BRCA2: variants seen among roughly 807,000 people sequenced by gnomAD.
The protein encoded by BRCA2 is breast cancer type 2 susceptibility protein.
BRCA2 carries 203 observed loss-of-function variants against 276.7 expected under a neutral mutation model. The ratio of observed to expected loss-of-function variants is 0.73; its 90% CI spans 0.65 to 0.82. BRCA2 has a LOEUF of 0.82. Ranked by LOEUF, BRCA2 falls within the 40% of genes least tolerant of loss-of-function variation. BRCA2 has a pLI of 0.00. For missense variants in BRCA2, 3,920 were observed against 3,915.0 expected (o/e 1.00, Z -0.03); for synonymous variants, 1,289 against 1,338.4 (o/e 0.96, Z 0.81).
At chr13:32,385,549 C>CT (rs1236100648) in intron 24 of BRCA2, 13 of 255,180 alleles carry the variant, frequency 5.1e-5, no homozygotes, top group Non-Finnish European at 8.0e-5. Context: ...CCATATAGGG[C>CT]TTTGTGACAG....
chr13:32,391,101 A>G (rs1008890958), intron 24 of BRCA2, among the ~76,000 whole-genome samples: 2 of 152,216 alleles, frequency 1.3e-5, no homozygotes, highest in African/African-American at 4.8e-5. Context: ...AAACAGGGAC[A>G]TCTGTATTTT....
Position 32,340,998 on chromosome 13 carries a change from TACTC to T in BRCA2, c.6644_6647del (p.Tyr2215SerfsTer13), listed in dbSNP as rs80359616. The T allele has an allele frequency of 1.2e-6, 2 of 1,612,198 alleles. No homozygotes were observed. Among genetic ancestry groups the T allele is most frequent in the Non-Finnish European group, 1.7e-6 (2 of 1,179,546 alleles). On this transcript the variant is annotated frameshift_variant, in exon 11 of 27. Transcript: ENST00000380152. LOFTEE classifies it high-confidence loss of function. Reference sequence around the variant, plus strand: ...AACAAATATAGAAGTTTGTTCTACTTACTCCAAAGATTCAGAAAACTACTTTGAA... The same window carrying T: ...AACAAATATAGAAGTTTGTTCTACTTCAAAGATTCAGAAAACTACTTTGAA...
rs786203659 is a variant in BRCA2, at chr13:32,333,119, A to G, written c.1641A>G (p.Ser547=). Residue 547 remains serine, a synonymous_variant, in exon 10 of 27, where the codon TCA becomes TCG. Coordinates refer to ENST00000380152, the MANE Select transcript of BRCA2 (RefSeq NM_000059.4). The part of the protein sequence containing the change: ...ESGLEIHTVC[S]QKEDSLCPNL... ...GACTGGAAATACATACTGTTTGCTC[A>G]CAGAAGGAGGACTCCTTATGTCCAA... is the stretch of plus-strand genomic sequence containing the variant. 3.1e-6 allele frequency: 5 copies of G among 1,614,076 alleles called. No homozygotes were observed. The highest frequency in any genetic ancestry group is 4.2e-6 in the Non-Finnish European group (5 of 1,180,006).
chr13:32,392,901 C>T (rs1246986544), intron 24 of BRCA2, among the ~76,000 whole-genome samples: 2 of 152,032 alleles, frequency 1.3e-5, no homozygotes, highest in East Asian at 3.8e-4. Context: ...TACTTCCTGT[C>T]TTCTTTTTCA....
At chr13:32,349,675 G>C (rs1295807012) in intron 13 of BRCA2, among the ~76,000 whole-genome samples, 3 of 151,888 alleles carry the variant, frequency 2.0e-5, no homozygotes, top group African/African-American at 7.3e-5. Flanking sequence ...AATTAGCTCG[G>C]CATGGTAGCA....
chr13:32,338,932 C>T lies in BRCA2; in HGVS notation c.4577C>T (p.Thr1526Ile), dbSNP rs2137507891. 6.2e-7 allele frequency: 1 copy of T among 1,613,864 alleles called. No individual in the cohort carries two copies. The highest frequency in any genetic ancestry group is 1.7e-5 in the Admixed American group (1 of 59,998). ...IKEPTLLGFH[T>I]ASGKKVKIAK... ...GAACCTACTCTATTGGGTTTTCATACAGCTAGCGGGAAAAAAGTTAAAATT... is the reference window on the plus strand; with the variant it reads ...GAACCTACTCTATTGGGTTTTCATATAGCTAGCGGGAAAAAAGTTAAAATT... Residue 1526 changes from threonine (T) to isoleucine (I), a missense_variant, in exon 11 of 27, where the codon ACA becomes ATA. Transcript: ENST00000380152.
chr13:32,379,987 T>G lies in BRCA2; in HGVS notation c.9118-20T>G, dbSNP rs776528159. On this transcript the variant is annotated intron_variant, in intron 23 of 26. Coordinates refer to ENST00000380152, the MANE Select transcript of BRCA2 (RefSeq NM_000059.4). ...TTTATGGAATCTCCATATGTTGAAT[T>G]TTTGTTTTGTTTTCTGTAGGTTTCA... 4.3e-6 allele frequency: 7 copies of G among 1,613,874 alleles called. No homozygotes were observed. In the Admixed American group the frequency reaches 1.2e-4, roughly 27 times the overall value.
At chr13:32,330,847 A>G in intron 8 of BRCA2, 72 bp from the exon 9 acceptor site, 1 of 913,072 alleles carries the variant, frequency 1.1e-6, no homozygotes, top group Non-Finnish European at 1.7e-6. Flanking sequence ...GAAACCATGG[A>G]TAAGGGGGGA....
chr13:32,394,841 A>T lies in BRCA2; in HGVS notation c.9409A>T (p.Thr3137Ser), dbSNP rs746036918. 5 of 1,614,128 alleles carry T rather than the reference A, an allele frequency of 3.1e-6. No individual in the cohort carries two copies. In the South Asian group the frequency reaches 5.5e-5, roughly 18 times the overall value. Residue 3137 changes from threonine (T) to serine (S), a missense_variant, in exon 25 of 27, where the codon ACT becomes TCT. Thr to Ser is a moderately conservative substitution (Grantham distance 58). Around this residue, in one of 2 missense-constraint regions of BRCA2, gnomAD observed 657 missense variants for 758.2 expected, o/e 0.87. Transcript: ENST00000380152. ...ACCAGAATCCAAATCAGGCCTTCTTACTTTATTTGCTGGAGATTTTTCTGT... is the reference window on the plus strand; with the variant it reads ...ACCAGAATCCAAATCAGGCCTTCTTTCTTTATTTGCTGGAGATTTTTCTGT... ...WRPESKSGLL[T>S]LFAGDFSVFS...
In BRCA2 at chr13:32,357,930, G is replaced by A. The variant is rs81002809; in HGVS notation, c.7805+1G>A. 1.2e-6 allele frequency: 2 copies of A among 1,612,702 alleles called. No homozygotes were observed. The highest frequency in any genetic ancestry group is 1.7e-6 in the Non-Finnish European group (2 of 1,178,830). ...AGGCTGGAAAAGAAGAATTTTATAG[G>A]TACTCTATGCAAAAAGATTGTGTGT... On this transcript the variant is annotated splice_donor_variant, in intron 16 of 26. Transcript: ENST00000380152. LOFTEE classifies it high-confidence loss of function.
Position 32,370,491 on chromosome 13 carries a change from G to A in BRCA2, c.8421G>A (p.Ser2807=), listed in dbSNP as rs371278843. 1.7e-4 allele frequency: 281 copies of A among 1,613,446 alleles called. 4 individuals are homozygous for A. The South Asian group carries it at 2.9e-3, about 17-fold the overall frequency. The change falls in exon 19 of 27, where the codon TCG becomes TCA. Residue 2807 remains serine, a synonymous_variant. Transcript: ENST00000380152. ...DPRPFPLPLS[S]LFSDGGNVGC... ...GACCTTTTCCTCTGCCCTTATCATC[G>A]CTTTTCAGTGATGGAGGAAATGTTG...
rs767202483 is a variant in BRCA2, at chr13:32,340,848, T to C, written c.6493T>C (p.Leu2165=). ...TCAATTTCAACAAGACAAACAACAGTTGGTATTAGGAACCAAAGTGTCACT... is the reference window on the plus strand; with the variant it reads ...TCAATTTCAACAAGACAAACAACAGCTGGTATTAGGAACCAAAGTGTCACT... ...LSQFQQDKQQ[L]VLGTKVSLVE... is the part of the protein sequence containing the mutation. Residue 2165 remains leucine, a synonymous_variant, in exon 11 of 27, where the codon TTG becomes CTG. Transcript: ENST00000380152. 1 of 1,596,348 alleles carries C rather than the reference T, an allele frequency of 6.3e-7. No individual in the cohort carries two copies. Among genetic ancestry groups the C allele is most frequent in the African/African-American group, 1.4e-5 (1 of 73,674 alleles).
intron 16 of BRCA2, among the ~76,000 whole-genome samples, chr13:32,362,219 G>A (rs1019761375): frequency 6.6e-6 from 1 of 151,884 alleles, no homozygotes; most frequent in African/African-American, 2.4e-5. Flanking sequence ...TAGAGATGTG[G>A]GGGTCTCACT....
intron 4 of BRCA2, 84 bp from the exon 5 acceptor site, chr13:32,326,017 G>C (rs120074202): frequency 8.3e-7 from 1 of 1,207,214 alleles, no homozygotes; most frequent in East Asian, 2.4e-5. Flanking sequence ...TTATATGAAT[G>C]AGAATCTTCT....
intron 2 of BRCA2, 36 bp from the exon 3 acceptor site, chr13:32,319,041 T>C: frequency 6.2e-7 from 1 of 1,609,150 alleles, no homozygotes; most frequent in South Asian, 1.1e-5. Flanking sequence ...TGTCTGTCAC[T>C]GGTTAAAACT....
chr13:32,346,284 C>T (rs1477802354), intron 12 of BRCA2, among the ~76,000 whole-genome samples: 1 of 151,626 alleles, frequency 6.6e-6, no homozygotes, highest in Non-Finnish European at 1.5e-5. Context: ...CCATTTTGCA[C>T]CTTGTTTATT....
In BRCA2 at chr13:32,340,107, C is replaced by T. The variant is rs80358803; in HGVS notation, c.5752C>T (p.His1918Tyr). 3.1e-5 allele frequency: 50 copies of T among 1,613,736 alleles called. No individual in the cohort carries two copies. Among genetic ancestry groups the T allele is most frequent in the Middle Eastern group, 1.7e-4 (1 of 6,060 alleles). Residue 1918 changes from histidine to tyrosine, a missense_variant, in exon 11 of 27, where the codon CAT becomes TAT. His to Tyr is a moderately conservative substitution (Grantham distance 83). Coordinates refer to ENST00000380152, the MANE Select transcript of BRCA2 (RefSeq NM_000059.4). ...LDNDECSTHSHKVFADIQSEE... is the reference protein window; with the variant it reads ...LDNDECSTHSYKVFADIQSEE... The stretch of plus-strand genomic sequence containing the variant: ...TAATGATGAATGTAGCACGCATTCA[C>T]ATAAGGTTTTTGCTGACATTCAGAG...
At chr13:32,331,823 G>T (rs1036289187) in intron 9 of BRCA2, among the ~76,000 whole-genome samples, 6 of 151,962 alleles carry the variant, frequency 3.9e-5, no homozygotes, top group African/African-American at 1.5e-4. Flanking sequence ...CTGTATAACT[G>T]TGTAGGATTT....
intron 21 of BRCA2, among the ~76,000 whole-genome samples, chr13:32,378,724 C>G (rs1445848200): frequency 6.6e-6 from 1 of 151,846 alleles, no homozygotes; most frequent in South Asian, 2.1e-4. Context: ...GGTAAGATTC[C>G]CAAGAGGTAC....
Sources: allele counts gnomAD v4.1 joint callset (sites outside exome capture counted in the v4.1 genomes callset), GRCh38; gene constraint gnomAD v4.1.1; regional missense constraint gnomAD v4.1.1; transcripts MANE v1.5; gene names NCBI Gene and HGNC (gene_info 2026-07-23, HGNC 2026-07-21).